CPVL: variants seen among roughly 807,000 people sequenced by gnomAD.
CPVL encodes the protein probable serine carboxypeptidase CPVL.
Under a neutral mutation model 63.7 loss-of-function variants are expected in CPVL, and 51 were observed. The observed-to-expected ratio is 0.80, with a 90% CI of 0.64 to 1.01. The LOEUF (loss-of-function observed/expected upper bound fraction) is 1.01. CPVL is among the 50% of genes least tolerant of loss of function. The pLI is 0.00. For synonymous variants in CPVL, 195 were observed against 206.0 expected (o/e 0.95, Z 0.46); for missense variants, 530 against 573.1 (o/e 0.92, Z 0.77).
At chr7:29,185,241 A>G (rs1225498625) in intron 3 of CPVL, among the ~76,000 whole-genome samples, 1 of 152,240 alleles carries the variant, frequency 6.6e-6, no homozygotes, top group East Asian at 1.9e-4. Flanking sequence ...CCTCACTGAC[A>G]GCTGGCTGTT....
intron 11 of CPVL, among the ~76,000 whole-genome samples, chr7:29,055,192 T>C (rs879893072): frequency 2.0e-5 from 3 of 152,206 alleles, no homozygotes; most frequent in Non-Finnish European, 2.9e-5. Context: ...TTGTTGAAAA[T>C]GGCTTTATAT....
intron 11 of CPVL, among the ~76,000 whole-genome samples, chr7:29,063,068 C>T (rs2128562390): frequency 6.6e-6 from 1 of 152,240 alleles, no homozygotes; most frequent in South Asian, 2.1e-4. Context: ...CACAGGCTGA[C>T]TTTCCCCATG....
At chr7:29,184,143 C>T (rs1255582871) in intron 4 of CPVL, among the ~76,000 whole-genome samples, 2 of 140,838 alleles carry the variant, frequency 1.4e-5, no homozygotes, top group East Asian at 4.2e-4. Flanking sequence ...ACAGAAGATA[C>T]AGATAGATGA....
At chr7:29,076,750 C>T (rs1475410141) in intron 7 of CPVL, among the ~76,000 whole-genome samples, 14 of 152,198 alleles carry the variant, frequency 9.2e-5, no homozygotes, top group Admixed American at 9.2e-4. Flanking sequence ...CTTGTATTTG[C>T]TGGAGCTTAA....
chr7:29,155,584 A>G (rs1156333804), intron 5 of CPVL, among the ~76,000 whole-genome samples: 1 of 152,218 alleles, frequency 6.6e-6, no homozygotes, highest in East Asian at 1.9e-4. Context: ...TCTCTCTGAC[A>G]CCAAAACTGC....
Position 29,083,372 on chromosome 7 carries a change from C to T in CPVL, c.609+3112G>A, listed in dbSNP as rs188862956. On this transcript the variant is annotated intron_variant, in intron 7 of 12. Transcript: ENST00000265394. Reference sequence around the variant, plus strand: ...AGTGTGAGGGCCCCCCATCCTGGTCCCTACCCTCCCAGGGTGTGGAGTGGG... The same window carrying T: ...AGTGTGAGGGCCCCCCATCCTGGTCTCTACCCTCCCAGGGTGTGGAGTGGG... Among the ~76,000 whole-genome samples the T allele has an allele frequency of 2.4e-4, 36 of 152,312 alleles. No homozygotes were observed. The East Asian group carries it at 7.0e-3, about 29-fold the overall frequency.
intron 1 of CPVL, among the ~76,000 whole-genome samples, chr7:29,130,767 G>T (rs1049708653): frequency 6.6e-6 from 1 of 152,146 alleles, no homozygotes; most frequent in Non-Finnish European, 1.5e-5. Flanking sequence ...CAATGCAACT[G>T]TTGATAAAAA....
chr7:29,012,902 A>T (rs563243409), intron 12 of CPVL: 2 of 152,226 alleles, frequency 1.3e-5, no homozygotes, highest in Non-Finnish European at 2.9e-5. Flanking sequence ...AAATCAGGGT[A>T]TCTACAGAGC....
chr7:29,063,436 C>A (rs1320195067), intron 11 of CPVL, among the ~76,000 whole-genome samples: 1 of 152,190 alleles, frequency 6.6e-6, no homozygotes, highest in African/African-American at 2.4e-5. Context: ...TAAGAGAAAT[C>A]TGGCTCTTAC....
At chr7:29,149,567 AG>A (rs1793301988), upstream of CPVL, among the ~76,000 whole-genome samples, 1 of 152,224 alleles carries the variant, frequency 6.6e-6, no homozygotes, top group Non-Finnish European at 1.5e-5. Flanking sequence ...ACCATAGGAC[AG>A]GAGTATGTGC....
At chr7:29,052,791 C>T (rs149017606) in intron 11 of CPVL, among the ~76,000 whole-genome samples, 2,918 of 152,068 alleles carry the variant, frequency 0.019, 93 homozygotes, top group African/African-American at 0.066. Context: ...CACCTGTAAT[C>T]CCAGCTATTC....
intron 5 of CPVL, among the ~76,000 whole-genome samples, chr7:29,180,573 A>G (rs1351162243): frequency 6.6e-6 from 1 of 152,230 alleles, no homozygotes; most frequent in African/African-American, 2.4e-5. Context: ...AAATTGATAT[A>G]AAAATGACTT....
At chr7:29,038,730 A>T (rs753041488) in intron 11 of CPVL, among the ~76,000 whole-genome samples, 17 of 152,134 alleles carry the variant, frequency 1.1e-4, no homozygotes, top group Non-Finnish European at 2.4e-4. Flanking sequence ...CTGTATCCAT[A>T]CCTCTGTCAT....
chr7:29,064,076 G>T lies in CPVL; in HGVS notation c.1122C>A (p.Ile374=). 1 of 1,610,318 alleles carries T rather than the reference G, an allele frequency of 6.2e-7. No individual in the cohort carries two copies. Among genetic ancestry groups the T allele is most frequent in the Non-Finnish European group, 8.5e-7 (1 of 1,177,274 alleles). The change falls in exon 11 of 13, where the codon ATC becomes ATA. Residue 374 remains isoleucine (I), a synonymous_variant. Transcript: ENST00000265394. ...GCTCTCTTACCTTATAATTATTCAT[G>T]ATTTCAGTTAACCATGGCTTAACTG... The part of the protein sequence containing the change: ...VQSVKPWLTE[I]MNNYKVLIYN...
At chr7:29,081,388 G>A (rs1252601334) in intron 7 of CPVL, 2 of 152,216 alleles carry the variant, frequency 1.3e-5, no homozygotes, top group South Asian at 2.1e-4. Context: ...AAGAGGAGGA[G>A]GAAGAAGACA....
At chr7:29,058,295 C>T (rs1790942397) in intron 11 of CPVL, among the ~76,000 whole-genome samples, 1 of 151,934 alleles carries the variant, frequency 6.6e-6, no homozygotes, top group African/African-American at 2.4e-5. Flanking sequence ...GTAAATAGTC[C>T]TGTGTTTTAA....
chr7:29,049,046 C>T (rs935038598), intron 11 of CPVL, among the ~76,000 whole-genome samples: 8 of 151,900 alleles, frequency 5.3e-5, no homozygotes, highest in Admixed American at 1.3e-4. Context: ...TAGCCGTAAA[C>T]GCCTACATCA....
chr7:28,996,498 A>G (rs546744565), intron 12 of CPVL, among the ~76,000 whole-genome samples: 1 of 151,372 alleles, frequency 6.6e-6, no homozygotes, highest in South Asian at 2.1e-4. Context: ...ACTGCACTCC[A>G]GCCTGGTTGA....
At chr7:29,041,443 C>T (rs1353137950) in intron 11 of CPVL, among the ~76,000 whole-genome samples, 1 of 152,132 alleles carries the variant, frequency 6.6e-6, no homozygotes, top group African/African-American at 2.4e-5. Context: ...AGACAAATCT[C>T]TCCAGAGGAG....
Sources: gnomAD v4.1 joint callset for allele counts (sites outside exome capture counted in the v4.1 genomes callset) on GRCh38, gnomAD v4.1.1 for gene constraint, MANE v1.5 for transcripts, NCBI Gene and HGNC (gene_info 2026-07-23, HGNC 2026-07-21) for gene names.